Variants in FBXO11 observed in about 807,000 individuals in gnomAD.
FBXO11 encodes F-box only protein 11.
In FBXO11, 13 loss-of-function variants were observed where a neutral mutation model predicts 117.0. The observed-to-expected ratio is 0.11, with a 90% CI of 0.07 to 0.18. FBXO11 has a LOEUF of 0.18. Ranked by LOEUF, FBXO11 falls within the 10% of genes least tolerant of loss-of-function variation. The probability of loss-of-function intolerance (pLI) is 1.00; values close to 1 mark genes in which losing one functional copy is unlikely to be tolerated. For missense variants in FBXO11, 767 were observed against 1,164.4 expected, an observed-to-expected ratio of 0.66 and a Z score of 4.97; for synonymous variants, 490 against 380.5, an observed-to-expected ratio of 1.29 and a Z score of -3.35.
At chr2:47,900,363 G>C (rs1238963212) in intron 1 of FBXO11, among the ~76,000 whole-genome samples, 1 of 152,010 alleles carries the variant, frequency 6.6e-6, no homozygotes, top group African/African-American at 2.4e-5. Context: ...GAAAAATCAT[G>C]TTTCTTGTGC....
At chr2:47,871,312 A>G (rs994898791) in intron 1 of FBXO11, among the ~76,000 whole-genome samples, 1 of 152,196 alleles carries the variant, frequency 6.6e-6, no homozygotes, top group Non-Finnish European at 1.5e-5. Context: ...TTAGCAAGAC[A>G]CTGAAGCCTC....
At chr2:47,896,810 T>G (rs1677704332) in intron 1 of FBXO11, among the ~76,000 whole-genome samples, 1 of 152,196 alleles carries the variant, frequency 6.6e-6, no homozygotes, top group African/African-American at 2.4e-5. Flanking sequence ...TGACCTTATA[T>G]GAAATAAAGT....
chr2:47,848,747 T>C (rs892880853), intron 1 of FBXO11, among the ~76,000 whole-genome samples: 2 of 152,278 alleles, frequency 1.3e-5, no homozygotes, highest in Admixed American at 6.5e-5. Context: ...TCTGACATCT[T>C]TGATAATAAA....
Position 47,828,521 on chromosome 2 carries a change from T to C in FBXO11, c.1398+3828A>G, listed in dbSNP as rs560571106. On this transcript the variant is annotated intron_variant, in intron 11 of 22. Transcript: ENST00000403359. ...TACTCGGGAGACTGAGACACAAGAA[T>C]TGCTTGAAGCCTGGAAGGTGGAGGT... 7.9e-5 allele frequency among the ~76,000 whole-genome samples: 12 copies of C among 151,902 alleles called. No individual in the cohort carries two copies. The South Asian group carries it at 1.9e-3, about 24-fold the overall frequency.
At chr2:47,891,115 C>T (rs936478141) in intron 1 of FBXO11, among the ~76,000 whole-genome samples, 1 of 152,114 alleles carries the variant, frequency 6.6e-6, no homozygotes, top group Admixed American at 6.5e-5. Flanking sequence ...TGAGCCACTG[C>T]CAAAACTATT....
intron 1 of FBXO11, among the ~76,000 whole-genome samples, chr2:47,892,531 G>A (rs73929248): frequency 6.6e-6 from 1 of 152,170 alleles, no homozygotes; most frequent in South Asian, 2.1e-4. Flanking sequence ...ACATGATGCA[G>A]AAATAGAGTA....
intron 1 of FBXO11, among the ~76,000 whole-genome samples, chr2:47,861,235 A>G (rs1674749670): frequency 2.0e-5 from 3 of 152,090 alleles, no homozygotes; most frequent in African/African-American, 4.8e-5. Context: ...ATCTTGTAAA[A>G]ACATATACAT....
intron 1 of FBXO11, among the ~76,000 whole-genome samples, chr2:47,892,301 T>C (rs1046039572): frequency 3.3e-5 from 5 of 152,228 alleles, no homozygotes; most frequent in Non-Finnish European, 7.3e-5. Context: ...CTCAAGATAT[T>C]AGTTAACATT....
intron 1 of FBXO11, among the ~76,000 whole-genome samples, chr2:47,893,973 A>G (rs1180719741): frequency 6.6e-6 from 1 of 152,246 alleles, no homozygotes; most frequent in East Asian, 1.9e-4. Flanking sequence ...TAGCATTAAC[A>G]TTGGACTGCT....
chr2:47,863,076 AAAAC>A (rs1443744629), intron 1 of FBXO11, among the ~76,000 whole-genome samples: 1 of 150,676 alleles, frequency 6.6e-6, no homozygotes, highest in Admixed American at 6.6e-5. Context: ...AAAAAACAAA[AAAAC>A]AAAAACAAAA....
chr2:47,900,687 CACACGTATACACACACGTGTATATATAT>C (rs1678118121), intron 1 of FBXO11, among the ~76,000 whole-genome samples: 1 of 86,034 alleles, frequency 1.2e-5, no homozygotes, highest in Admixed American at 1.0e-4. Context: ...CACGTATACA[CACACGTATACACACACGTGTATATATAT>C]ACACGTATAC....
chr2:47,808,454 T>G (rs1168418232), intron 21 of FBXO11, 27 bp from the exon 22 acceptor site: 1 of 1,543,544 alleles, frequency 6.5e-7, no homozygotes, highest in South Asian at 1.2e-5. Flanking sequence ...TAAATTACTT[T>G]TCTCAAACAT....
At chr2:47,863,131 A>G (rs887426673) in intron 1 of FBXO11, among the ~76,000 whole-genome samples, 5 of 152,006 alleles carry the variant, frequency 3.3e-5, no homozygotes, top group African/African-American at 9.7e-5. Flanking sequence ...AAACGAAACA[A>G]AAGTTTTCCC....
intron 11 of FBXO11, among the ~76,000 whole-genome samples, chr2:47,830,505 T>C (rs753817112): frequency 2.0e-5 from 3 of 152,028 alleles, no homozygotes; most frequent in Non-Finnish European, 2.9e-5. Flanking sequence ...AGAATAAATA[T>C]AGACCAATAA....
At chr2:47,876,602 G>A (rs984848285) in intron 1 of FBXO11, among the ~76,000 whole-genome samples, 2 of 152,122 alleles carry the variant, frequency 1.3e-5, no homozygotes, top group Non-Finnish European at 2.9e-5. Flanking sequence ...ACACTGTTCT[G>A]GTAAATACGT....
chr2:47,867,348 T>C (rs1675272628), intron 1 of FBXO11, among the ~76,000 whole-genome samples: 1 of 152,162 alleles, frequency 6.6e-6, no homozygotes. Flanking sequence ...ACACTGCTAG[T>C]TGCAGCAGCA....
At chr2:47,822,713 G>T (rs1177961478) in intron 12 of FBXO11, among the ~76,000 whole-genome samples, 2 of 152,158 alleles carry the variant, frequency 1.3e-5, no homozygotes, top group Non-Finnish European at 2.9e-5. Flanking sequence ...ATGACAGCTT[G>T]CAGTTTTTGA....
chr2:47,877,384 A>G (rs560413048), intron 1 of FBXO11, among the ~76,000 whole-genome samples: 28 of 152,370 alleles, frequency 1.8e-4, no homozygotes, highest in African/African-American at 6.7e-4. Flanking sequence ...CCTGCAAAAA[A>G]GAAAACATAC....
At chr2:47,819,923 A>C (rs1418904860) in intron 14 of FBXO11, among the ~76,000 whole-genome samples, 1 of 152,214 alleles carries the variant, frequency 6.6e-6, no homozygotes, top group African/African-American at 2.4e-5. Flanking sequence ...AAGACGATTA[A>C]TACACAGGTT....
Sources: allele counts gnomAD v4.1 joint callset (sites outside exome capture counted in the v4.1 genomes callset), GRCh38; gene constraint gnomAD v4.1.1; transcripts MANE v1.5; gene names NCBI Gene and HGNC (gene_info 2026-07-23, HGNC 2026-07-21).